CA10: variants seen among roughly 807,000 people sequenced by gnomAD.
The protein encoded by CA10 is carbonic anhydrase-related protein 10.
In CA10, 14 loss-of-function variants were observed where a neutral mutation model predicts 44.2. That is an observed-to-expected ratio of 0.32 (90% CI 0.21 to 0.50). CA10 has a LOEUF of 0.50. CA10 is among the 20% of genes least tolerant of loss of function. The pLI is 0.99. For missense variants in CA10, 350 were observed against 409.7 expected (o/e 0.85, Z 1.26); for synonymous variants, 159 against 141.6 (o/e 1.12, Z -0.87).
intron 2 of CA10, among the ~76,000 whole-genome samples, chr17:52,007,749 T>A (rs1985650699): frequency 6.6e-6 from 1 of 151,446 alleles, no homozygotes. Flanking sequence ...ATTAGCCTCA[T>A]AAAATGAATT....
At chr17:51,647,123 AG>A (rs1189890207) in intron 6 of CA10, among the ~76,000 whole-genome samples, 1 of 152,062 alleles carries the variant, frequency 6.6e-6, no homozygotes, top group East Asian at 1.9e-4. Context: ...AGAGGTGAAA[AG>A]GGTGTTTAAA....
At position 51,931,055 on chromosome 17, in the gene CA10, CTA is replaced by C; in HGVS notation, c.212_213del (p.Ile71ArgfsTer67). On this transcript the variant is annotated frameshift_variant, in exon 3 of 9. Coordinates refer to ENST00000451037, the MANE Select transcript of CA10 (RefSeq NM_020178.5). LOFTEE classifies it high-confidence loss of function. ...SVGKRQSPVN[I>X]ETSHMIFDPF... ...GGGTCGAAGATCATGTGACTGGTCT[CTA>C]TGTTGACTGGCGACTGCCGTTTCCC... 2.5e-6 allele frequency: 4 copies of C among 1,613,652 alleles called. No homozygotes were observed. Among genetic ancestry groups the C allele is most frequent in the Non-Finnish European group, 3.4e-6 (4 of 1,179,720 alleles).
chr17:51,720,055 T>C (rs1261489683), intron 4 of CA10, among the ~76,000 whole-genome samples: 2 of 152,158 alleles, frequency 1.3e-5, no homozygotes, highest in Non-Finnish European at 2.9e-5. Context: ...CTAAGAGTAA[T>C]AATAATTGTG....
chr17:51,685,684 A>G (rs1381866657), intron 4 of CA10, among the ~76,000 whole-genome samples: 1 of 152,210 alleles, frequency 6.6e-6, no homozygotes, highest in Non-Finnish European at 1.5e-5. Flanking sequence ...ACAGCTGCTA[A>G]ATGAATTGGT....
chr17:51,694,640 A>T (rs1207984568), intron 4 of CA10, among the ~76,000 whole-genome samples: 2 of 152,122 alleles, frequency 1.3e-5, no homozygotes, highest in Non-Finnish European at 1.5e-5. Context: ...TTTGCTGTGT[A>T]GAAGATCTTT....
intron 1 of CA10, among the ~76,000 whole-genome samples, chr17:52,133,678 A>G (rs1280802987): frequency 6.6e-6 from 1 of 152,094 alleles, no homozygotes; most frequent in Middle Eastern, 3.2e-3. Flanking sequence ...ACAAAGCCAT[A>G]CCCTCTTCTG....
chr17:51,769,449 G>A (rs117330381), intron 3 of CA10, among the ~76,000 whole-genome samples: 115 of 152,314 alleles, frequency 7.6e-4, no homozygotes, highest in Non-Finnish European at 1.4e-3. Flanking sequence ...AGTGAAATAT[G>A]TAGAGGAAGT....
At chr17:52,050,089 C>G (rs1177918152) in intron 2 of CA10, among the ~76,000 whole-genome samples, 2 of 152,002 alleles carry the variant, frequency 1.3e-5, no homozygotes, top group African/African-American at 4.8e-5. Context: ...ATGAAATAGT[C>G]TAGCACATTT....
intron 3 of CA10, among the ~76,000 whole-genome samples, chr17:51,760,247 T>C (rs74953399): frequency 0.03 from 4,568 of 152,308 alleles, 235 homozygotes; most frequent in African/African-American, 0.1. Flanking sequence ...ATAGCAAATG[T>C]TTGGGGGATA....
At chr17:51,711,024 T>C (rs754840132) in intron 4 of CA10, among the ~76,000 whole-genome samples, 1 of 145,550 alleles carries the variant, frequency 6.9e-6, no homozygotes, top group Non-Finnish European at 1.5e-5. Flanking sequence ...TCAACACCTC[T>C]AGAAGTTTAA....
At chr17:52,042,384 A>T (rs1183113840) in intron 2 of CA10, among the ~76,000 whole-genome samples, 1 of 152,000 alleles carries the variant, frequency 6.6e-6, no homozygotes, top group Non-Finnish European at 1.5e-5. Flanking sequence ...GGTCAATTGT[A>T]TGCCTTTTTT....
At chr17:51,999,160 A>G (rs1279360540) in intron 2 of CA10, among the ~76,000 whole-genome samples, 5 of 152,066 alleles carry the variant, frequency 3.3e-5, no homozygotes, top group Non-Finnish European at 7.4e-5. Flanking sequence ...ATGCCAAGCA[A>G]GCGTTGTTTG....
At chr17:51,638,812 C>T (rs1373489440) in intron 6 of CA10, among the ~76,000 whole-genome samples, 1 of 152,164 alleles carries the variant, frequency 6.6e-6, no homozygotes, top group Non-Finnish European at 1.5e-5. Context: ...ACTTGAACTG[C>T]ATCTTTAACA....
chr17:51,876,339 T>G (rs1980078243), intron 3 of CA10, among the ~76,000 whole-genome samples: 1 of 148,762 alleles, frequency 6.7e-6, no homozygotes, highest in Non-Finnish European at 1.5e-5. Context: ...GCTACTTTTT[T>G]TTCATCTTTT....
chr17:52,108,194 T>TATATATATATATATATATATA lies in CA10; in HGVS notation c.62-35802_62-35801insTATATATATATATATATATAT, dbSNP rs1567735876. Among the ~76,000 whole-genome samples, 9 of 58,028 alleles carry TATATATATATATATATATATA rather than the reference T, an allele frequency of 1.6e-4. 1 individual carries two copies. Among genetic ancestry groups the TATATATATATATATATATATA allele is most frequent in the Admixed American group, 1.9e-4 (1 of 5,186 alleles). The allele number at this position is 58,028 out of a possible 152,430, so 38.1% of individuals were successfully genotyped here. ...TAATATATTTTTATATATATATTTT[T>TATATATATATATATATATATA]TATATATATATATATATATATATAT... On this transcript the variant is annotated intron_variant, in intron 1 of 8. Transcript: ENST00000451037.
At chr17:51,793,968 C>T (rs1906615636) in intron 3 of CA10, among the ~76,000 whole-genome samples, 1 of 152,200 alleles carries the variant, frequency 6.6e-6, no homozygotes, top group Admixed American at 6.5e-5. Flanking sequence ...GTACACAACA[C>T]ATCAAATGGC....
chr17:52,133,914 C>A (rs2143358114), intron 1 of CA10, among the ~76,000 whole-genome samples: 1 of 152,254 alleles, frequency 6.6e-6, no homozygotes, highest in East Asian at 1.9e-4. Flanking sequence ...AGGGAAGATG[C>A]TTTATGACTG....
At chr17:51,922,531 G>A (rs1443548774) in intron 3 of CA10, among the ~76,000 whole-genome samples, 2 of 152,060 alleles carry the variant, frequency 1.3e-5, no homozygotes, top group African/African-American at 4.8e-5. Flanking sequence ...TTCTCCTCTG[G>A]TCCTCCTTGG....
chr17:51,646,218 C>T (rs578096121), intron 6 of CA10, among the ~76,000 whole-genome samples: 14 of 152,284 alleles, frequency 9.2e-5, no homozygotes, highest in African/African-American at 2.9e-4. Flanking sequence ...CTTGATTTTT[C>T]CCATCTGTAA....
Sources: gnomAD v4.1 joint callset for allele counts (sites outside exome capture counted in the v4.1 genomes callset) on GRCh38, gnomAD v4.1.1 for gene constraint, MANE v1.5 for transcripts, NCBI Gene and HGNC (gene_info 2026-07-23, HGNC 2026-07-21) for gene names.